CRKL: variants seen among roughly 807,000 people sequenced by gnomAD.
CRKL encodes crk-like protein.
CRKL carries 3 observed loss-of-function variants against 23.0 expected under a neutral mutation model. That is an observed-to-expected ratio of 0.13 (90% CI 0.06 to 0.34). The LOEUF is 0.34. Ranked by LOEUF, CRKL falls within the 10% of genes least tolerant of loss-of-function variation. The pLI, the probability that CRKL is intolerant of heterozygous loss-of-function variation, is 1.00. For missense variants in CRKL, 256 were observed against 394.5 expected, an observed-to-expected ratio of 0.65 and a Z score of 2.97; for synonymous variants, 188 against 160.7, an observed-to-expected ratio of 1.17 and a Z score of -1.28.
intron 1 of CRKL, among the ~76,000 whole-genome samples, chr22:20,931,252 TA>T (rs903139554): frequency 5.9e-5 from 9 of 151,880 alleles, no homozygotes; most frequent in African/African-American, 2.2e-4. Context: ...ACAGAAAATT[TA>T]AAAATTGGCT....
chr22:20,932,955 C>T (rs995561315), intron 1 of CRKL, among the ~76,000 whole-genome samples: 2 of 152,028 alleles, frequency 1.3e-5, no homozygotes, highest in Non-Finnish European at 2.9e-5. Flanking sequence ...TGTTGCACAT[C>T]TGTAATCTCA....
chr22:20,943,522 G>A (rs1260037588), intron 2 of CRKL, among the ~76,000 whole-genome samples: 1 of 152,214 alleles, frequency 6.6e-6, no homozygotes, highest in Admixed American at 6.5e-5. Flanking sequence ...TTACAGGCGT[G>A]CGCCACCATG....
intron 1 of CRKL, among the ~76,000 whole-genome samples, chr22:20,921,120 C>T (rs1920987654): frequency 6.6e-6 from 1 of 152,218 alleles, no homozygotes; most frequent in African/African-American, 2.4e-5. Context: ...AAACGGAAAA[C>T]TCAGTGTAAT....
intron 2 of CRKL, among the ~76,000 whole-genome samples, chr22:20,936,703 G>T (rs978744382): frequency 6.6e-6 from 1 of 152,006 alleles, no homozygotes; most frequent in African/African-American, 2.4e-5. Flanking sequence ...GCACCTGAAG[G>T]TTTGTTTCAA....
rs558089316 is a variant in CRKL, at chr22:20,951,206, C to T, written c.*1361C>T. 2.2e-5 allele frequency: 5 copies of T among 232,502 alleles called. No homozygotes were observed. The East Asian group carries it at 2.4e-4, about 11-fold the overall frequency. 14.4% of individuals were successfully genotyped at this position (232,502 alleles called of 1,614,324 possible). ...TGAAGCCCAGACCTCCGTGCCCAGG[C>T]CCAATCTCGTCAGGCTGCCAGAGAA... On this transcript the variant is annotated 3_prime_UTR_variant, in exon 3 of 3. Transcript: ENST00000354336.
chr22:20,918,295 G>A (rs1929764955), intron 1 of CRKL, 50 bp downstream of exon 1: 1 of 1,584,334 alleles, frequency 6.3e-7, no homozygotes, highest in Non-Finnish European at 8.6e-7. Flanking sequence ...AACCGGGTCT[G>A]TCGAAGAGTG....
rs564770745 is a variant in CRKL, at chr22:20,951,580, A to C, written c.*1735A>C. On this transcript the variant is annotated 3_prime_UTR_variant, in exon 3 of 3. Transcript: ENST00000354336. ...AAAAGCCTCAGCTCATAGTGAACAC[A>C]GCAGACCTAGAAATGTAGCAGCAGC... 7.6e-4 allele frequency: 172 copies of C among 225,148 alleles called. No individual in the cohort carries two copies. The highest frequency in any genetic ancestry group is 2.6e-3 in the South Asian group (14 of 5,456). The allele number at this position is 225,148 out of a possible 1,614,324, so 13.9% of individuals were successfully genotyped here. A position where few individuals can be genotyped will look rare whatever the true frequency, so the allele number is the denominator to read the frequency against.
chr22:20,941,405 C>A (rs1254374545), intron 2 of CRKL, among the ~76,000 whole-genome samples: 1 of 151,214 alleles, frequency 6.6e-6, no homozygotes, highest in East Asian at 1.9e-4. Flanking sequence ...TTCTTTAGTA[C>A]CAAAAGTGCT....
rs556195525 is a variant in CRKL, at chr22:20,925,314, C to T, written c.311+7069C>T. 5.9e-5 allele frequency among the ~76,000 whole-genome samples: 9 copies of T among 151,368 alleles called. 1 individual carries two copies. The highest frequency in any genetic ancestry group is 2.2e-4 in the African/African-American group (9 of 41,242). On this transcript the variant is annotated intron_variant, in intron 1 of 2. Transcript: ENST00000354336. Reference sequence around the variant, plus strand: ...TTTCCTTTTGATCTGAATGATTAGACTAGATTTCTGAGGGTCTTTAAGATT... The same window carrying T: ...TTTCCTTTTGATCTGAATGATTAGATTAGATTTCTGAGGGTCTTTAAGATT...
intron 1 of CRKL, among the ~76,000 whole-genome samples, chr22:20,924,179 C>A (rs1921105889): frequency 6.6e-6 from 1 of 152,004 alleles, no homozygotes; most frequent in Admixed American, 6.6e-5. Context: ...CAGAGCCAGA[C>A]CTTGTCTCAA....
chr22:20,928,659 A>G (rs1018528139), intron 1 of CRKL, among the ~76,000 whole-genome samples: 1 of 151,556 alleles, frequency 6.6e-6, no homozygotes, highest in Non-Finnish European at 1.5e-5. Context: ...CCAAAAATAC[A>G]AAAATTAATC....
chr22:20,938,438 T>C (rs1921743592), intron 2 of CRKL, among the ~76,000 whole-genome samples: 1 of 152,194 alleles, frequency 6.6e-6, no homozygotes, highest in African/African-American at 2.4e-5. Context: ...GAGACTAACG[T>C]CACTGAATAG....
chr22:20,934,434 G>T (rs1921576772), intron 2 of CRKL, among the ~76,000 whole-genome samples, 190 bp downstream of exon 2: 1 of 152,168 alleles, frequency 6.6e-6, no homozygotes, highest in Admixed American at 6.6e-5. Flanking sequence ...TTTTAAAAGA[G>T]TTGTTTGCCC....
At chr22:20,935,305 G>T (rs559603354) in intron 2 of CRKL, among the ~76,000 whole-genome samples, 213 of 151,964 alleles carry the variant, frequency 1.4e-3, no homozygotes, top group Non-Finnish European at 1.9e-3. Flanking sequence ...TATAGATGGG[G>T]TTTCACCATG....
intron 1 of CRKL, among the ~76,000 whole-genome samples, chr22:20,931,842 C>T (rs182082035): frequency 0.011 from 1,620 of 152,056 alleles, 19 homozygotes; most frequent in Middle Eastern, 0.031. Context: ...GACGGAGTCT[C>T]GCTCTGTCAC....
At chr22:20,932,053 C>T (rs565839502) in intron 1 of CRKL, among the ~76,000 whole-genome samples, 66 of 151,894 alleles carry the variant, frequency 4.3e-4, no homozygotes, top group African/African-American at 1.4e-3. Flanking sequence ...CCTCATGATC[C>T]GCCCACCTCA....
chr22:20,930,847 AT>A (rs1921422792), intron 1 of CRKL, among the ~76,000 whole-genome samples: 1 of 151,266 alleles, frequency 6.6e-6, no homozygotes, highest in Non-Finnish European at 1.5e-5. Context: ...CACCTGGCTA[AT>A]TTTTTGTATT....
chr22:20,941,588 A>ATATATTT lies in CRKL; in HGVS notation c.777+7345_777+7346insATATTTT, dbSNP rs1247116681. 8.1e-4 allele frequency among the ~76,000 whole-genome samples: 27 copies of ATATATTT among 33,536 alleles called. 1 individual carries two copies. The highest frequency in any genetic ancestry group is 3.0e-3 in the African/African-American group (25 of 8,258). The allele number at this position is 33,536 out of a possible 152,430, so 22.0% of individuals were successfully genotyped here. On this transcript the variant is annotated intron_variant, in intron 2 of 2. Transcript: ENST00000354336. ...TGTGTGTGTGTGTGTGTATATATAT[A>ATATATTT]TTTTTTTTTTTTTTTTTTTTTTTTG... is the stretch of plus-strand genomic sequence containing the variant.
chr22:20,925,472 G>A (rs548350354), intron 1 of CRKL, among the ~76,000 whole-genome samples: 2 of 151,908 alleles, frequency 1.3e-5, no homozygotes, highest in Non-Finnish European at 2.9e-5. Flanking sequence ...TTGCGCCAGC[G>A]CCACTGCACT....
Sources: gnomAD v4.1 joint callset for allele counts (sites outside exome capture counted in the v4.1 genomes callset) on GRCh38, gnomAD v4.1.1 for gene constraint, MANE v1.5 for transcripts, NCBI Gene and HGNC (gene_info 2026-07-23, HGNC 2026-07-21) for gene names.